The following MAML3 variants were observed in gnomAD, a reference collection of about 807,000 sequenced individuals.
MAML3 encodes mastermind like transcriptional coactivator 3.
A neutral mutation model predicts 101.9 loss-of-function variants in MAML3; 27 were observed. That is an observed-to-expected ratio of 0.27 (90% CI 0.20 to 0.37). MAML3 has a LOEUF of 0.37. Among genes scored for constraint, MAML3 ranks in the 10% least tolerant of loss-of-function variants. MAML3 has a pLI of 1.00. For missense variants in MAML3, 1,316 were observed against 1,444.9 expected (o/e 0.91, Z 1.45); for synonymous variants, 501 against 555.9 (o/e 0.90, Z 1.39).
chr4:139,762,936 C>T (rs1729784764), intron 2 of MAML3, among the ~76,000 whole-genome samples: 1 of 152,088 alleles, frequency 6.6e-6, no homozygotes, highest in Admixed American at 6.6e-5. Flanking sequence ...GTCTATGTGC[C>T]AAAGTTAGGC....
chr4:139,942,383 T>C (rs1464980158), intron 1 of MAML3, among the ~76,000 whole-genome samples: 1 of 152,218 alleles, frequency 6.6e-6, no homozygotes, highest in Non-Finnish European at 1.5e-5. Flanking sequence ...CTTGCTATTT[T>C]CTATCCTATG....
chr4:139,910,247 G>C (rs1732893900), intron 1 of MAML3, among the ~76,000 whole-genome samples: 1 of 152,280 alleles, frequency 6.6e-6, no homozygotes, highest in East Asian at 1.9e-4. Context: ...CAGTCCCCAG[G>C]CTTTCTGAAT....
chr4:140,051,782 T>G (rs1032263967), intron 1 of MAML3, among the ~76,000 whole-genome samples: 4 of 152,180 alleles, frequency 2.6e-5, no homozygotes, highest in Non-Finnish European at 4.4e-5. Flanking sequence ...CATTGTGCTA[T>G]TCTCATTTTC....
At chr4:140,057,464 T>C (rs1727368878) in intron 1 of MAML3, among the ~76,000 whole-genome samples, 1 of 152,242 alleles carries the variant, frequency 6.6e-6, no homozygotes, top group South Asian at 2.1e-4. Context: ...ATGGCTAAGA[T>C]AATATTTTAT....
chr4:139,761,711 C>T (rs1458693581), intron 2 of MAML3, among the ~76,000 whole-genome samples: 3 of 152,066 alleles, frequency 2.0e-5, no homozygotes, highest in African/African-American at 7.2e-5. Flanking sequence ...AGAAACAGGC[C>T]CCTCAACAGA....
At position 139,989,733 on chromosome 4, in the gene MAML3, T is replaced by C. The variant is rs1006061015; in HGVS notation, c.469-98766A>G. Among the ~76,000 whole-genome samples, 4 of 152,004 alleles carry C rather than the reference T, an allele frequency of 2.6e-5. No individual in the cohort carries two copies. The East Asian group carries it at 7.7e-4, about 29-fold the overall frequency. ...AAGCCAAGGCCTTTAAAGGATTGGA[T>C]AGCAGCAGGGAACACGTGAATATAT... On this transcript the variant is annotated intron_variant, in intron 1 of 4. Coordinates refer to ENST00000509479, the MANE Select transcript of MAML3 (RefSeq NM_018717.5).
intron 2 of MAML3, among the ~76,000 whole-genome samples, chr4:139,885,928 G>A (rs1385447654): frequency 1.9e-4 from 5 of 25,688 alleles, no homozygotes; most frequent in South Asian, 3.1e-3. Flanking sequence ...GCAAGACTCC[G>A]TCTCAAAAAA....
At chr4:140,027,755 A>G (rs967215139) in intron 1 of MAML3, among the ~76,000 whole-genome samples, 5 of 152,342 alleles carry the variant, frequency 3.3e-5, no homozygotes, top group African/African-American at 9.6e-5. Context: ...TGACACATTC[A>G]AGTCAATTTG....
At chr4:139,789,399 T>C (rs547197514) in intron 2 of MAML3, among the ~76,000 whole-genome samples, 42 of 151,990 alleles carry the variant, frequency 2.8e-4, no homozygotes, top group Non-Finnish European at 5.1e-4. Flanking sequence ...AGAAGAGTAG[T>C]ATTTCACAAG....
chr4:139,788,326 G>C lies in MAML3; in HGVS notation c.2080-57659C>G, dbSNP rs147631162. 9.2e-3 allele frequency among the ~76,000 whole-genome samples: 1,399 copies of C among 152,180 alleles called. 15 individuals carry two copies. Among genetic ancestry groups the C allele is most frequent in the African/African-American group, 0.032 (1,341 of 41,512 alleles). On this transcript the variant is annotated intron_variant, in intron 2 of 4. Transcript: ENST00000509479. ...TCCCTCCCATTTCTCTCTCTTCAAGGTGGCATTTCTTTTAATTGAATAGAA... is the reference window on the plus strand; with the variant it reads ...TCCCTCCCATTTCTCTCTCTTCAAGCTGGCATTTCTTTTAATTGAATAGAA...
intron 2 of MAML3, among the ~76,000 whole-genome samples, chr4:139,864,686 A>G (rs1277411913): frequency 1.3e-5 from 2 of 149,982 alleles, no homozygotes; most frequent in East Asian, 3.9e-4. Context: ...AAAAAAAAAA[A>G]AAAAAAAAAA....
chr4:140,125,054 C>A (rs1054968645), intron 1 of MAML3, among the ~76,000 whole-genome samples: 23 of 152,146 alleles, frequency 1.5e-4, no homozygotes, highest in African/African-American at 4.3e-4. Context: ...TGAGCATCGA[C>A]TTTGGTTTTT....
At chr4:139,832,937 T>C (rs1280650291) in intron 2 of MAML3, among the ~76,000 whole-genome samples, 3 of 152,220 alleles carry the variant, frequency 2.0e-5, no homozygotes, top group Non-Finnish European at 4.4e-5. Context: ...CCTTTATTTC[T>C]AGTTAAGAAA....
chr4:139,861,477 A>AT (rs1553960820), intron 2 of MAML3, among the ~76,000 whole-genome samples: 28 of 146,490 alleles, frequency 1.9e-4, no homozygotes, highest in African/African-American at 6.4e-4. Flanking sequence ...TAACCAGCCG[A>AT]TGTGTGTGTG....
intron 1 of MAML3, among the ~76,000 whole-genome samples, chr4:140,054,125 T>A (rs1727313555): frequency 6.6e-6 from 1 of 152,076 alleles, no homozygotes; most frequent in Admixed American, 6.5e-5. Flanking sequence ...ATCCCAGCAC[T>A]TTGGGAGGCC....
In MAML3 at chr4:139,745,095, G is replaced by A. The variant is rs556404807; in HGVS notation, c.2080-14428C>T. 1.6e-4 allele frequency among the ~76,000 whole-genome samples: 25 copies of A among 152,348 alleles called. No homozygotes were observed. In the South Asian group the frequency reaches 5.0e-3, roughly 30 times the overall value. The stretch of plus-strand genomic sequence containing the variant: ...CATGGATTAGCAGGGACTTGACTGA[G>A]AGCCTTGATGGAAGTGTAGATTTGG... On this transcript the variant is annotated intron_variant, in intron 2 of 4. Coordinates refer to ENST00000509479, the MANE Select transcript of MAML3 (RefSeq NM_018717.5).
chr4:139,894,556 A>AAAGG (rs1732569169), intron 1 of MAML3, among the ~76,000 whole-genome samples: 1 of 150,924 alleles, frequency 6.6e-6, no homozygotes, highest in South Asian at 2.1e-4. Context: ...AGAAAGAAAG[A>AAAGG]AAGAAAGAAA....
chr4:140,007,228 A>G (rs762083503), intron 1 of MAML3, among the ~76,000 whole-genome samples: 1 of 152,260 alleles, frequency 6.6e-6, no homozygotes, highest in Non-Finnish European at 1.5e-5. Context: ...AAGAGATTAG[A>G]GAAAACAAGA....
chr4:139,946,770 G>A (rs1281929846), intron 1 of MAML3, among the ~76,000 whole-genome samples: 1 of 152,008 alleles, frequency 6.6e-6, no homozygotes, highest in Non-Finnish European at 1.5e-5. Context: ...TGGCCTCAGG[G>A]AGGTCATCAG....
Sources: allele counts gnomAD v4.1 joint callset (sites outside exome capture counted in the v4.1 genomes callset), GRCh38; gene constraint gnomAD v4.1.1; transcripts MANE v1.5; gene names NCBI Gene and HGNC (gene_info 2026-07-23, HGNC 2026-07-21).